TNFRSF1B: variants seen among roughly 807,000 people sequenced by gnomAD.
The protein encoded by TNFRSF1B is tumor necrosis factor receptor superfamily member 1B.
In TNFRSF1B, 19 loss-of-function variants were observed where a neutral mutation model predicts 44.6. That is an observed-to-expected ratio of 0.43 (90% CI 0.30 to 0.62). TNFRSF1B has a LOEUF of 0.62. Among genes scored for constraint, TNFRSF1B ranks in the 20% least tolerant of loss-of-function variants. TNFRSF1B has a pLI of 0.16. For missense variants in TNFRSF1B, 541 were observed against 619.9 expected (o/e 0.87, Z 1.35); for synonymous variants, 252 against 261.1 (o/e 0.97, Z 0.34).
At chr1:12,173,954 G>A (rs556213029) in intron 1 of TNFRSF1B, among the ~76,000 whole-genome samples, 1 of 152,120 alleles carries the variant, frequency 6.6e-6, no homozygotes, top group African/African-American at 2.4e-5. Flanking sequence ...CTGATGGGGG[G>A]TTGGAAGAGA....
rs988208720 is a variant in TNFRSF1B at position 12,186,651 on chromosome 1, C to G, written c.79-2145C>G. Among the ~76,000 whole-genome samples, 3 of 152,316 alleles carry G rather than the reference C, an allele frequency of 2.0e-5. No homozygotes were observed. Among genetic ancestry groups the G allele is most frequent in the Non-Finnish European group, 4.4e-5 (3 of 68,028 alleles). On this transcript the variant is annotated intron_variant, in intron 1 of 9. Coordinates refer to ENST00000376259, the MANE Select transcript of TNFRSF1B (RefSeq NM_001066.3). This position sits in a 1 kb window ranked among gnomAD's most constrained non-coding sequence, Gnocchi z 4.8. ...CCCTGTATCCTTATCTATGGAGAGG[C>G]CCCATGACTCGTTCACTAAAGGTTA...
rs1219557253 is a variant in TNFRSF1B at position 12,199,839 on chromosome 1, G to A, written c.901-2128G>A. On this transcript the variant is annotated intron_variant, in intron 8 of 9. Coordinates refer to ENST00000376259, the MANE Select transcript of TNFRSF1B (RefSeq NM_001066.3). The surrounding 1 kb of genome is among the most constrained non-coding windows in gnomAD (Gnocchi z 4.0). ...GCCTGGGACACTTGTTTTCATCCTG[G>A]GCAGGCCAGGGGCCAGGGCAGCTGT... Among the ~76,000 whole-genome samples the A allele has an allele frequency of 6.6e-6, 1 of 152,184 alleles. No homozygotes were observed. The highest frequency in any genetic ancestry group is 2.1e-4 in the South Asian group (1 of 4,826).
At chr1:12,176,746 C>T (rs1182758980) in intron 1 of TNFRSF1B, among the ~76,000 whole-genome samples, 1 of 152,160 alleles carries the variant, frequency 6.6e-6, no homozygotes, top group Non-Finnish European at 1.5e-5. Context: ...GATGGAGAGA[C>T]TGGAGGCAGG....
At chr1:12,183,790 C>G (rs1487629737) in intron 1 of TNFRSF1B, among the ~76,000 whole-genome samples, 3 of 94,396 alleles carry the variant, frequency 3.2e-5, no homozygotes, top group Non-Finnish European at 7.6e-5. Context: ...ATCTACCTAC[C>G]TATCTATCTA....
intron 1 of TNFRSF1B, among the ~76,000 whole-genome samples, chr1:12,172,938 T>C (rs751034526): frequency 6.6e-6 from 1 of 152,210 alleles, no homozygotes; most frequent in Non-Finnish European, 1.5e-5. Context: ...CCAAAACCTC[T>C]TCCATCTCCA....
chr1:12,183,768 G>GCTAGCTAGCTAT (rs1378207157), intron 1 of TNFRSF1B, among the ~76,000 whole-genome samples: 1 of 117,430 alleles, frequency 8.5e-6, no homozygotes, highest in African/African-American at 3.3e-5. Context: ...TAGCTAGCTA[G>GCTAGCTAGCTAT]CTATCTATTC....
chr1:12,194,667 G>C, intron 8 of TNFRSF1B, 49 bp downstream of exon 8: 1 of 1,601,996 alleles, frequency 6.2e-7, no homozygotes, highest in Non-Finnish European at 8.6e-7. Context: ...TCTCCTTCCC[G>C]GCGTGCTGGG....
chr1:12,198,056 A>G (rs111954565), intron 8 of TNFRSF1B, among the ~76,000 whole-genome samples: 2 of 145,118 alleles, frequency 1.4e-5, no homozygotes, highest in African/African-American at 5.1e-5. Context: ...CGGGAGGTGG[A>G]GCTTGCAGTG....
At chr1:12,197,701 A>G (rs2101117287) in intron 8 of TNFRSF1B, among the ~76,000 whole-genome samples, 1 of 152,340 alleles carries the variant, frequency 6.6e-6, no homozygotes, top group African/African-American at 2.4e-5. Flanking sequence ...TACTCCTGAT[A>G]AGAGGCCAGT....
rs1477509205 is a variant in TNFRSF1B, at chr1:12,171,034, A to G, written c.78+3865A>G. On this transcript the variant is annotated intron_variant, in intron 1 of 9. Coordinates refer to ENST00000376259, the MANE Select transcript of TNFRSF1B (RefSeq NM_001066.3). The surrounding 1 kb of genome is among the most constrained non-coding windows in gnomAD (Gnocchi z 4.5). Reference sequence around the variant, plus strand: ...TTTTTTTTTATTGAGATAGAGTCTTACTCTGTCACCCAGGCTGGAGTGCAG... The same window carrying G: ...TTTTTTTTTATTGAGATAGAGTCTTGCTCTGTCACCCAGGCTGGAGTGCAG... Among the ~76,000 whole-genome samples, 1 of 136,354 alleles carries G rather than the reference A, an allele frequency of 7.3e-6. No individual in the cohort carries two copies. The highest frequency in any genetic ancestry group is 2.8e-5 in the African/African-American group (1 of 35,950). 89.5% of individuals were successfully genotyped at this position (136,354 alleles called of 152,430 possible).
chr1:12,192,786 G>A (rs1639175628), intron 5 of TNFRSF1B, 77 bp from the exon 6 acceptor site: 1 of 1,275,974 alleles, frequency 7.8e-7, no homozygotes, highest in Non-Finnish European at 1.1e-6. Flanking sequence ...CCTGCCTGCT[G>A]GGGCCCGTGA....
At chr1:12,183,007 G>A (rs1638844714) in intron 1 of TNFRSF1B, among the ~76,000 whole-genome samples, 1 of 152,204 alleles carries the variant, frequency 6.6e-6, no homozygotes, top group African/African-American at 2.4e-5. Flanking sequence ...GCTCTTCTGG[G>A]ATAGCCTTGG....
rs1027318318 is a variant in TNFRSF1B, at chr1:12,169,656, G to A, written c.78+2487G>A. 2.0e-5 allele frequency among the ~76,000 whole-genome samples: 3 copies of A among 152,372 alleles called. No homozygotes were observed. The highest frequency in any genetic ancestry group is 1.9e-4 in the East Asian group (1 of 5,188). On this transcript the variant is annotated intron_variant, in intron 1 of 9. Coordinates refer to ENST00000376259, the MANE Select transcript of TNFRSF1B (RefSeq NM_001066.3). This position sits in a 1 kb window ranked among gnomAD's most constrained non-coding sequence, Gnocchi z 4.5. ...ACCTGAGCTAGCCATGGACGCAGCCGACTCACTGCCAGCAGGGCTTTTGCC... is the reference window on the plus strand; with the variant it reads ...ACCTGAGCTAGCCATGGACGCAGCCAACTCACTGCCAGCAGGGCTTTTGCC...
chr1:12,179,790 G>A (rs183699165), intron 1 of TNFRSF1B, among the ~76,000 whole-genome samples: 1 of 152,284 alleles, frequency 6.6e-6, no homozygotes, highest in Non-Finnish European at 1.5e-5. Flanking sequence ...CAATTTGCAC[G>A]AAATCTCCCA....
chr1:12,191,353 G>A (rs370209169), intron 3 of TNFRSF1B, among the ~76,000 whole-genome samples: 59 of 152,384 alleles, frequency 3.9e-4, no homozygotes, highest in East Asian at 7.7e-4. Context: ...GCGCATGCTC[G>A]TGCTGCGAGG....
chr1:12,185,320 C>A (rs1638959571), intron 1 of TNFRSF1B, among the ~76,000 whole-genome samples: 1 of 147,882 alleles, frequency 6.8e-6, no homozygotes, highest in Non-Finnish European at 1.5e-5. Context: ...CTTTTTCTTT[C>A]TCTTTTTTTA....
Position 12,201,981 on chromosome 1 carries a change from C to T in TNFRSF1B, c.915C>T (p.Ala305=), listed in dbSNP as rs369209421. The T allele has an allele frequency of 4.0e-5, 64 of 1,610,430 alleles. No homozygotes were observed. Among genetic ancestry groups the T allele is most frequent in the African/African-American group, 3.5e-4 (26 of 74,894 alleles). Residue 305 remains alanine (A), a synonymous_variant, in exon 9 of 10, where the codon GCC becomes GCT. Coordinates refer to ENST00000376259, the MANE Select transcript of TNFRSF1B (RefSeq NM_001066.3). ...TGCCCATCCAGCCTCACTTGCCTGC[C>T]GATAAGGCCCGGGGTACACAGGGCC... ...QREAKVPHLP[A]DKARGTQGPE...
rs866383062 is a variant in TNFRSF1B at position 12,206,746 on chromosome 1, C to A, written c.1112C>A (p.Ser371Tyr). 3.2e-6 allele frequency: 5 copies of A among 1,585,074 alleles called. No individual in the cohort carries two copies. The highest frequency in any genetic ancestry group is 1.3e-5 in the African/African-American group (1 of 74,328). Residue 371 changes from serine to tyrosine, a missense_variant, in exon 10 of 10, where the codon TCC (serine) becomes TAC (tyrosine). Physicochemically the swap from Ser to Tyr is moderately radical, Grantham distance 144 (BLOSUM62 -2). Transcript: ENST00000376259. ...ARASTGSSDS[S>Y]PGGHGTQVNV... The stretch of plus-strand genomic sequence containing the variant: ...CCCATCTTGTGCTTAGCAGATTCTT[C>A]CCCTGGTGGCCATGGGACCCAGGTC...
intron 9 of TNFRSF1B, among the ~76,000 whole-genome samples, chr1:12,204,449 G>A (rs150997298): frequency 1.4e-4 from 21 of 152,134 alleles, no homozygotes; most frequent in Admixed American, 2.6e-4. Flanking sequence ...TCCACCTCCC[G>A]GCTACCCTAT....
Sources: allele counts gnomAD v4.1 joint callset (sites outside exome capture counted in the v4.1 genomes callset), GRCh38; gene constraint gnomAD v4.1.1; non-coding constraint Gnocchi (gnomAD v3.1); transcripts MANE v1.5; gene names NCBI Gene and HGNC (gene_info 2026-07-23, HGNC 2026-07-21).